IRAG1: variants seen among roughly 807,000 people sequenced by gnomAD.
IRAG1 encodes IP3R-associated cGMP kinase substrate.
A neutral mutation model predicts 106.2 loss-of-function variants in IRAG1; 62 were observed. That is an observed-to-expected ratio of 0.58 (90% CI 0.48 to 0.72). IRAG1 has a LOEUF of 0.72. IRAG1 is among the 30% of genes least tolerant of loss of function. The pLI is 0.00. For missense variants in IRAG1, 1,064 were observed against 1,140.7 expected, an observed-to-expected ratio of 0.93 and a Z score of 0.97; for synonymous variants, 462 against 443.9, an observed-to-expected ratio of 1.04 and a Z score of -0.51.
intron 13 of IRAG1, among the ~76,000 whole-genome samples, 196 bp from the exon 14 acceptor site, chr11:10,603,447 C>T (rs1259617359): frequency 6.6e-6 from 1 of 152,126 alleles, no homozygotes; most frequent in African/African-American, 2.4e-5. Flanking sequence ...AACCTAGATC[C>T]TTCGCATGCA....
At chr11:10,605,995 C>T (rs367614211) in intron 12 of IRAG1, among the ~76,000 whole-genome samples, 2 of 152,200 alleles carry the variant, frequency 1.3e-5, no homozygotes, top group East Asian at 1.9e-4. Flanking sequence ...CTGATTCCTG[C>T]TCCACCTGCT....
intron 1 of IRAG1, among the ~76,000 whole-genome samples, chr11:10,655,265 G>C (rs1204350261): frequency 6.6e-6 from 1 of 152,192 alleles, no homozygotes; most frequent in African/African-American, 2.4e-5. Flanking sequence ...TGCTCTGCCT[G>C]TTAAGAAGGA....
intron 1 of IRAG1, among the ~76,000 whole-genome samples, chr11:10,677,892 C>T (rs1013722566): frequency 8.5e-5 from 13 of 152,198 alleles, no homozygotes; most frequent in African/African-American, 1.9e-4. Flanking sequence ...GTGACATTTT[C>T]GGTCTAGCTT....
At chr11:10,689,670 C>G (rs1361776263) in intron 1 of IRAG1, among the ~76,000 whole-genome samples, 1 of 152,200 alleles carries the variant, frequency 6.6e-6, no homozygotes, top group Admixed American at 6.5e-5. Flanking sequence ...TAAAATGACT[C>G]TATGTTATAA....
chr11:10,692,195 G>GCACACACACA (rs111745329), intron 1 of IRAG1, among the ~76,000 whole-genome samples: 3 of 150,956 alleles, frequency 2.0e-5, no homozygotes, highest in Non-Finnish European at 3.0e-5. Context: ...AAATATGCAT[G>GCACACACACA]CACACACACA....
rs571233485 is a variant in IRAG1, at chr11:10,580,603, A to C, written c.2361-14T>G. On this transcript the variant is annotated splice_polypyrimidine_tract_variant and intron_variant, in intron 19 of 20. Transcript: ENST00000423302. ...CCTTCTTGGAATCTGGGGGGCAAAAAGGAACAGTTGAGTCTGGAAAGGGCA... is the reference window on the plus strand; with the variant it reads ...CCTTCTTGGAATCTGGGGGGCAAAACGGAACAGTTGAGTCTGGAAAGGGCA... 5.3e-5 allele frequency: 85 copies of C among 1,606,610 alleles called. No individual in the cohort carries two copies. The South Asian group carries it at 8.5e-4, about 16-fold the overall frequency.
At chr11:10,640,847 T>C (rs1331353279) in intron 2 of IRAG1, among the ~76,000 whole-genome samples, 3 of 152,244 alleles carry the variant, frequency 2.0e-5, no homozygotes, top group Admixed American at 2.0e-4. Context: ...TTGGGCAAGT[T>C]ACCTTGCCTC....
intron 1 of IRAG1, among the ~76,000 whole-genome samples, chr11:10,653,441 G>A (rs1858684454): frequency 6.6e-6 from 1 of 152,226 alleles, no homozygotes; most frequent in Non-Finnish European, 1.5e-5. Flanking sequence ...CTGTCAAGAT[G>A]CCTAGGAGTA....
chr11:10,574,670 G>C lies in IRAG1; in HGVS notation c.*1662C>G, dbSNP rs865955017. On this transcript the variant is annotated 3_prime_UTR_variant, in exon 21 of 21. Transcript: ENST00000423302. ...AGAAGAACAGCTGGAAAAAAAACTA[G>C]TGAGTGGAGGTCCAGCACTATGAGA... 1 of 152,198 alleles carries C rather than the reference G, an allele frequency of 6.6e-6. No individual in the cohort carries two copies. 9.4% of individuals were successfully genotyped at this position (152,198 alleles called of 1,614,324 possible).
At chr11:10,648,372 A>G (rs1484120364) in intron 2 of IRAG1, among the ~76,000 whole-genome samples, 1 of 152,206 alleles carries the variant, frequency 6.6e-6, no homozygotes, top group East Asian at 1.9e-4. Flanking sequence ...TCAAAAATAC[A>G]AAGATATATT....
At chr11:10,671,307 A>G (rs1049854452) in intron 1 of IRAG1, among the ~76,000 whole-genome samples, 3 of 152,272 alleles carry the variant, frequency 2.0e-5, no homozygotes, top group African/African-American at 7.2e-5. Context: ...TATATGATTG[A>G]TATAGTACAA....
At chr11:10,620,774 C>T (rs1220372613) in intron 10 of IRAG1, among the ~76,000 whole-genome samples, 2 of 152,176 alleles carry the variant, frequency 1.3e-5, no homozygotes, top group Non-Finnish European at 2.9e-5. Context: ...AATGTTTCTA[C>T]TCTTTAACCT....
chr11:10,605,564 A>C (rs995824318), intron 12 of IRAG1, among the ~76,000 whole-genome samples: 2 of 152,228 alleles, frequency 1.3e-5, no homozygotes, highest in African/African-American at 4.8e-5. Flanking sequence ...AGAGGCCAAG[A>C]CCAGAACGGT....
chr11:10,614,913 T>A (rs913390445), intron 10 of IRAG1, among the ~76,000 whole-genome samples: 1 of 152,098 alleles, frequency 6.6e-6, no homozygotes, highest in Non-Finnish European at 1.5e-5. Context: ...CCAAAAGCAA[T>A]GGCAACAAAA....
Position 10,623,852 on chromosome 11 carries a change from T to C in IRAG1, c.1373A>G (p.His458Arg), listed in dbSNP as rs1422351265. 2.5e-6 allele frequency: 4 copies of C among 1,613,708 alleles called. No individual in the cohort carries two copies. The highest frequency in any genetic ancestry group is 3.4e-6 in the Non-Finnish European group (4 of 1,179,702). Residue 458 changes from histidine to arginine, a missense_variant, in exon 10 of 21, where the codon CAC becomes CGC. Transcript: ENST00000423302. ...TAAGTTCTGATTTCTCATCAGGATG[T>C]GCTCCTTTGTGGTAAAAGAAAGAGA... ...MQKLTKLREE[H>R]ILMRNQNLVG...
At chr11:10,612,637 A>C (rs539464030) in intron 10 of IRAG1, among the ~76,000 whole-genome samples, 2 of 152,246 alleles carry the variant, frequency 1.3e-5, no homozygotes, top group East Asian at 1.9e-4. Flanking sequence ...CTATACAAAA[A>C]TACTATAGAC....
chr11:10,622,125 T>C (rs564620610), intron 10 of IRAG1, among the ~76,000 whole-genome samples: 7 of 152,106 alleles, frequency 4.6e-5, no homozygotes, highest in African/African-American at 1.7e-4. Context: ...ATATTTACAA[T>C]AAAAAATAGT....
At chr11:10,593,707 C>A in intron 16 of IRAG1, 108 bp from the exon 17 acceptor site, 1 of 880,358 alleles carries the variant, frequency 1.1e-6, no homozygotes, top group Non-Finnish European at 1.7e-6. Flanking sequence ...ATGGCATTCA[C>A]TGGATATTTT....
At chr11:10,629,125 G>A (rs1165697186) in intron 5 of IRAG1, among the ~76,000 whole-genome samples, 1 of 152,164 alleles carries the variant, frequency 6.6e-6, no homozygotes, top group Non-Finnish European at 1.5e-5. Context: ...TTGGTTGGCA[G>A]GTACAGCTCC....
Sources: gnomAD v4.1 joint callset for allele counts (sites outside exome capture counted in the v4.1 genomes callset) on GRCh38, gnomAD v4.1.1 for gene constraint, MANE v1.5 for transcripts, NCBI Gene and HGNC (gene_info 2026-07-23, HGNC 2026-07-21) for gene names.